The following CSNK1G1 variants were observed in gnomAD, a reference collection of about 807,000 sequenced individuals.
CSNK1G1 encodes casein kinase I isoform gamma-1.
CSNK1G1 carries 22 observed loss-of-function variants against 59.6 expected under a neutral mutation model. That is an observed-to-expected ratio of 0.37 (90% CI 0.26 to 0.53). CSNK1G1 has a LOEUF of 0.53. Among genes scored for constraint, CSNK1G1 ranks in the 20% least tolerant of loss-of-function variants. CSNK1G1 has a pLI of 0.89. For synonymous variants in CSNK1G1, 179 were observed against 177.1 expected, an observed-to-expected ratio of 1.01 and a Z score of -0.08; for missense variants, 384 against 519.5, an observed-to-expected ratio of 0.74 and a Z score of 2.54.
chr15:64,185,862 GAAAA>G (rs375409365), intron 10 of CSNK1G1, among the ~76,000 whole-genome samples: 2 of 82,820 alleles, frequency 2.4e-5, no homozygotes, highest in African/African-American at 4.7e-5. Context: ...ACTCCATCTC[GAAAA>G]AAAAAAAAAA....
At chr15:64,336,684 T>C (rs767437905) in intron 1 of CSNK1G1, among the ~76,000 whole-genome samples, 1 of 152,152 alleles carries the variant, frequency 6.6e-6, no homozygotes, top group African/African-American at 2.4e-5. Context: ...AGAAAGCATC[T>C]ATAACCAAGG....
At position 64,166,000 on chromosome 15, in the gene CSNK1G1, T is replaced by C. The variant is rs767343722; in HGVS notation, c.*5931A>G. ...ATTTCAAATACACTTGAAATTGACA[T>C]TCATGTTTAAAAATACTACAAATTT... On this transcript the variant is annotated 3_prime_UTR_variant, in exon 12 of 12. Transcript: ENST00000303052. 8 of 681,200 alleles carry C rather than the reference T, an allele frequency of 1.2e-5. No individual in the cohort carries two copies. In the South Asian group the frequency reaches 1.3e-4, roughly 11 times the overall value. The allele number at this position is 681,200 out of a possible 1,614,324, so 42.2% of individuals were successfully genotyped here. A position where few individuals can be genotyped will look rare whatever the true frequency, so the allele number is the denominator to read the frequency against.
At chr15:64,275,288 C>G (rs755495368) in intron 2 of CSNK1G1, among the ~76,000 whole-genome samples, 12 of 152,306 alleles carry the variant, frequency 7.9e-5, no homozygotes, top group Non-Finnish European at 1.0e-4. Context: ...AGCCTCCCGT[C>G]TGGGCCTCCC....
chr15:64,276,857 G>A lies in CSNK1G1; in HGVS notation c.182-17616C>T, dbSNP rs535514775. 6.0e-5 allele frequency among the ~76,000 whole-genome samples: 9 copies of A among 150,912 alleles called. No individual in the cohort carries two copies. In the South Asian group the frequency reaches 1.0e-3, roughly 18 times the overall value. On this transcript the variant is annotated intron_variant, in intron 2 of 11. Transcript: ENST00000303052. ...AGCTACTTGAGAGGCTGAGGCAGGAGAATGGTGTGAACCCGGGAGGCAGAG... is the reference window on the plus strand; with the variant it reads ...AGCTACTTGAGAGGCTGAGGCAGGAAAATGGTGTGAACCCGGGAGGCAGAG...
intron 1 of CSNK1G1, among the ~76,000 whole-genome samples, chr15:64,318,284 G>A (rs868838003): frequency 4.6e-5 from 7 of 151,926 alleles, no homozygotes; most frequent in Middle Eastern, 3.4e-3. Flanking sequence ...AACTTTATGT[G>A]GTTCTAACAA....
intron 1 of CSNK1G1, among the ~76,000 whole-genome samples, chr15:64,338,726 A>AC (rs1897527576): frequency 1.4e-5 from 2 of 146,470 alleles, no homozygotes; most frequent in Non-Finnish European, 3.0e-5. Flanking sequence ...AAAAAAAAAA[A>AC]AACACTTCTG....
intron 10 of CSNK1G1, among the ~76,000 whole-genome samples, chr15:64,185,333 G>A (rs2081877474): frequency 6.6e-6 from 1 of 152,220 alleles, no homozygotes; most frequent in Admixed American, 6.5e-5. Flanking sequence ...CATCTGTTGT[G>A]TTAGGAAAGT....
chr15:64,191,661 C>T (rs1351560205), intron 10 of CSNK1G1, among the ~76,000 whole-genome samples: 1 of 152,136 alleles, frequency 6.6e-6, no homozygotes, highest in Non-Finnish European at 1.5e-5. Context: ...ATTCTCAAAG[C>T]AATATGCTAT....
intron 1 of CSNK1G1, among the ~76,000 whole-genome samples, chr15:64,355,132 C>T (rs1898574045): frequency 6.6e-6 from 1 of 152,184 alleles, no homozygotes; most frequent in Admixed American, 6.5e-5. Context: ...TTGCCTAGAC[C>T]TGTGATACAT....
chr15:64,182,896 G>A (rs543172782), intron 10 of CSNK1G1, among the ~76,000 whole-genome samples: 255 of 152,210 alleles, frequency 1.7e-3, no homozygotes, highest in Non-Finnish European at 1.7e-3. Context: ...GAGGGTATAT[G>A]GATTGGAAAA....
intron 1 of CSNK1G1, among the ~76,000 whole-genome samples, chr15:64,309,624 T>C (rs1429210300): frequency 1.3e-5 from 2 of 151,946 alleles, no homozygotes. Context: ...CTAAAAGGAG[T>C]ACATAAGAAG....
In CSNK1G1 at chr15:64,165,717, A is replaced by C; in HGVS notation, c.*6214T>G. 1 of 256,286 alleles carries C rather than the reference A, an allele frequency of 3.9e-6. No homozygotes were observed. Among genetic ancestry groups the C allele is most frequent in the South Asian group, 1.4e-4 (1 of 6,972 alleles). 15.9% of individuals were successfully genotyped at this position (256,286 alleles called of 1,614,324 possible). A position where few individuals can be genotyped will look rare whatever the true frequency, so the allele number is the denominator to read the frequency against. ...TAAAAACAGACAAACCAATCAACCA[A>C]CCAAACAAGCAGAAGTAGCCAAGAA... On this transcript the variant is annotated 3_prime_UTR_variant, in exon 12 of 12. Transcript: ENST00000303052.
chr15:64,279,667 G>C (rs547064627), intron 2 of CSNK1G1, among the ~76,000 whole-genome samples: 3 of 152,086 alleles, frequency 2.0e-5, no homozygotes, highest in South Asian at 4.2e-4. Context: ...CTGGATCATA[G>C]AGTATTCATA....
chr15:64,349,437 G>A (rs1242252728), intron 1 of CSNK1G1, among the ~76,000 whole-genome samples: 1 of 152,100 alleles, frequency 6.6e-6, no homozygotes, highest in Non-Finnish European at 1.5e-5. Context: ...CACCTCCAAT[G>A]TGATGGGTGA....
At chr15:64,190,864 C>G (rs768975551) in intron 10 of CSNK1G1, among the ~76,000 whole-genome samples, 12 of 152,072 alleles carry the variant, frequency 7.9e-5, no homozygotes, top group African/African-American at 1.4e-4. Context: ...TTTCAGTTCT[C>G]TAGAACTTTT....
Position 64,210,603 on chromosome 15 carries a change from C to T in CSNK1G1, c.680-3009G>A, listed in dbSNP as rs1170363552. Reference sequence around the variant, plus strand: ...AGATGTGCTTGGTTTACATGCATAACATCCCTGATTTTAGGTTAAATATAT... The same window carrying T: ...AGATGTGCTTGGTTTACATGCATAATATCCCTGATTTTAGGTTAAATATAT... On this transcript the variant is annotated intron_variant, in intron 6 of 11. Transcript: ENST00000303052. The surrounding 1 kb of genome is among the most constrained non-coding windows in gnomAD (Gnocchi z 4.2). 6.6e-6 allele frequency among the ~76,000 whole-genome samples: 1 copy of T among 152,160 alleles called. No individual in the cohort carries two copies. Among genetic ancestry groups the T allele is most frequent in the Admixed American group, 6.5e-5 (1 of 15,272 alleles).
chr15:64,195,565 A>G (rs1379439524), intron 10 of CSNK1G1, among the ~76,000 whole-genome samples: 1 of 152,242 alleles, frequency 6.6e-6, no homozygotes, highest in African/African-American at 2.4e-5. Flanking sequence ...CACACTGAAT[A>G]AAACCTATGA....
chr15:64,332,594 C>T (rs1442862157), intron 1 of CSNK1G1, among the ~76,000 whole-genome samples: 1 of 147,010 alleles, frequency 6.8e-6, no homozygotes, highest in African/African-American at 2.5e-5. Flanking sequence ...TTAGTGGGTG[C>T]AGCGCACCAG....
Position 64,236,545 on chromosome 15 carries a change from C to T in CSNK1G1, c.292+14967G>A, listed in dbSNP as rs116769199. Among the ~76,000 whole-genome samples the T allele has an allele frequency of 8.4e-3, 1,283 of 152,176 alleles. 19 individuals are homozygous for T. Among genetic ancestry groups the T allele is most frequent in the African/African-American group, 0.029 (1,205 of 41,526 alleles). On this transcript the variant is annotated intron_variant, in intron 4 of 11. Transcript: ENST00000303052. ...GGCCAAGAGGTTATTAAAAAATGTT[C>T]AACATTAGTACTCATTAAAGAAATG...
Sources: allele counts gnomAD v4.1 joint callset (sites outside exome capture counted in the v4.1 genomes callset), GRCh38; gene constraint gnomAD v4.1.1; non-coding constraint Gnocchi (gnomAD v3.1); transcripts MANE v1.5; gene names NCBI Gene and HGNC (gene_info 2026-07-23, HGNC 2026-07-21).